ANK3: variants seen among roughly 807,000 people sequenced by gnomAD.
The protein encoded by ANK3 is ankyrin 3.
A neutral mutation model predicts 370.9 loss-of-function variants in ANK3; 57 were observed. That is an observed-to-expected ratio of 0.15 (90% CI 0.12 to 0.19). The LOEUF (loss-of-function observed/expected upper bound fraction) is 0.19. Ranked by LOEUF, ANK3 falls within the 10% of genes least tolerant of loss-of-function variation. The probability of loss-of-function intolerance (pLI) is 1.00; values close to 1 mark genes in which losing one functional copy is unlikely to be tolerated. For synonymous variants in ANK3, 1,929 were observed against 1,946.3 expected, an observed-to-expected ratio of 0.99 and a Z score of 0.23; for missense variants, 4,439 against 5,302.1, an observed-to-expected ratio of 0.84 and a Z score of 5.06.
At position 60,029,282 on chromosome 10, in the gene ANK3, TTG is replaced by T. The variant is rs1345475156; in HGVS notation, c.*562_*563del. On this transcript the variant is annotated 3_prime_UTR_variant, in exon 44 of 44. Coordinates refer to ENST00000280772, the MANE Select transcript of ANK3 (RefSeq NM_020987.5). The stretch of plus-strand genomic sequence containing the variant: ...GTTAAATGCATTTGCAATATTCTGT[TTG>T]TGTTCTAAGAGGCAGTGCCTTATCA... 2 of 152,584 alleles carry T rather than the reference TTG, an allele frequency of 1.3e-5. No individual in the cohort carries two copies. Among genetic ancestry groups the T allele is most frequent in the Admixed American group, 1.3e-4 (2 of 15,282 alleles). The allele number at this position is 152,584 out of a possible 1,614,324, so 9.5% of individuals were successfully genotyped here.
At chr10:60,630,966 G>C (rs10994439) in intron 1 of ANK3, among the ~76,000 whole-genome samples, 24,808 of 152,068 alleles carry the variant, frequency 0.16, 2,291 homozygotes, top group South Asian at 0.27. Context: ...ACATAAATAA[G>C]ATCTACCCTG....
At chr10:60,326,895 C>A (rs535856135) in intron 1 of ANK3, among the ~76,000 whole-genome samples, 127 of 152,060 alleles carry the variant, frequency 8.4e-4, no homozygotes, top group African/African-American at 3.0e-3. Context: ...GTGCGGGCGC[C>A]TTTAGTCCCA....
At chr10:60,208,323 C>T (rs1347227427) in intron 9 of ANK3, 90 bp from the exon 10 acceptor site, 1 of 1,142,078 alleles carries the variant, frequency 8.8e-7, no homozygotes, top group East Asian at 2.5e-5. Context: ...CAGATAAAAA[C>T]TCCAGTTCTT....
At chr10:60,229,983 C>T (rs1479389637) in intron 8 of ANK3, among the ~76,000 whole-genome samples, 1 of 152,098 alleles carries the variant, frequency 6.6e-6, no homozygotes, top group Non-Finnish European at 1.5e-5. Flanking sequence ...TTGGGAGGGG[C>T]ACAGTTAGAG....
chr10:60,340,659 T>G (rs1903206), intron 1 of ANK3, among the ~76,000 whole-genome samples: 105,601 of 151,602 alleles, frequency 0.7, 38,041 homozygotes, highest in South Asian at 0.91. Context: ...CAATCCTCCC[T>G]CCTCAGCCTC....
At chr10:60,173,325 A>C in intron 18 of ANK3, 139 bp from the exon 19 acceptor site, 1 of 633,084 alleles carries the variant, frequency 1.6e-6, no homozygotes, top group African/African-American at 1.8e-5. Flanking sequence ...TATATTAAAA[A>C]AATTGCCCTT....
intron 1 of ANK3, among the ~76,000 whole-genome samples, chr10:60,706,194 A>G (rs531236230): frequency 6.6e-6 from 1 of 152,314 alleles, no homozygotes; most frequent in African/African-American, 2.4e-5. Context: ...CATCTTGCAC[A>G]AGCACCACCA....
intron 2 of ANK3, among the ~76,000 whole-genome samples, chr10:60,590,132 A>C (rs1409742607): frequency 6.6e-6 from 1 of 152,222 alleles, no homozygotes; most frequent in Non-Finnish European, 1.5e-5. Context: ...TTACTGAAGA[A>C]TTCATGGCCA....
intron 1 of ANK3, among the ~76,000 whole-genome samples, chr10:60,335,757 T>C (rs2052675961): frequency 6.6e-6 from 1 of 152,118 alleles, no homozygotes; most frequent in Admixed American, 6.6e-5. Flanking sequence ...GAGGTAATAG[T>C]ATAATTGATT....
chr10:60,462,558 T>C (rs899641716), intron 2 of ANK3, among the ~76,000 whole-genome samples: 3 of 151,556 alleles, frequency 2.0e-5, no homozygotes, highest in African/African-American at 7.3e-5. Context: ...TTTCTCTAAA[T>C]GTGATCAGAT....
chr10:60,685,756 A>G (rs183786686), intron 1 of ANK3, among the ~76,000 whole-genome samples: 19 of 152,326 alleles, frequency 1.2e-4, no homozygotes, highest in African/African-American at 4.3e-4. Context: ...ATTCATTTCC[A>G]TAAGATGATA....
intron 1 of ANK3, among the ~76,000 whole-genome samples, chr10:60,308,511 G>A (rs1012883715): frequency 9.2e-5 from 14 of 151,930 alleles, no homozygotes; most frequent in Admixed American, 2.6e-4. Flanking sequence ...CCTGATGTCA[G>A]GTGATCTGCC....
Position 60,073,967 on chromosome 10 carries a change from T to A in ANK3, c.6914A>T (p.His2305Leu), listed in dbSNP as rs1465764831. Reference sequence around the variant, plus strand: ...GGCTGAGGTTTCAGCAGCAGACTTGTGAACATCTGGAGACACTGCCGACTT... The same window carrying A: ...GGCTGAGGTTTCAGCAGCAGACTTGAGAACATCTGGAGACACTGCCGACTT... ...EHKSAVSPDV[H>L]KSAAETSAQH... is the part of the protein sequence containing the mutation. Residue 2305 changes from histidine to leucine, a missense_variant, in exon 37 of 44, where the codon CAC becomes CTC. His to Leu is a moderately conservative substitution (Grantham distance 99, BLOSUM62 -3). This residue lies in a region of ANK3 where 1,601 missense variants were observed against 1,731.7 expected (regional missense o/e 0.92). Coordinates refer to ENST00000280772, the MANE Select transcript of ANK3 (RefSeq NM_020987.5). The A allele has an allele frequency of 9.3e-6, 15 of 1,613,960 alleles. No homozygotes were observed. The highest frequency in any genetic ancestry group is 2.2e-5 in the East Asian group (1 of 44,880).
At chr10:60,191,900 C>T (rs955889915) in intron 16 of ANK3, among the ~76,000 whole-genome samples, 1 of 151,934 alleles carries the variant, frequency 6.6e-6, no homozygotes, top group Admixed American at 6.6e-5. Context: ...GGGATATATA[C>T]ATTTTATTCT....
chr10:60,324,299 A>G (rs1003628256), intron 1 of ANK3, among the ~76,000 whole-genome samples: 1 of 152,242 alleles, frequency 6.6e-6, no homozygotes, highest in Non-Finnish European at 1.5e-5. Flanking sequence ...TATGTGTGGC[A>G]GCAGGGACTT....
chr10:60,152,602 C>T lies in ANK3; in HGVS notation c.2615-13515G>A, dbSNP rs191680487. On this transcript the variant is annotated intron_variant, in intron 23 of 43. Coordinates refer to ENST00000280772, the MANE Select transcript of ANK3 (RefSeq NM_020987.5). ...ACTCTAAATGCAATATAAAGCCTTG[C>T]GTGGGTTTTAGTTTTGTATTTGTAC... Among the ~76,000 whole-genome samples, 662 of 152,072 alleles carry T rather than the reference C, an allele frequency of 4.4e-3. 3 individuals carry two copies. Among genetic ancestry groups the T allele is most frequent in the African/African-American group, 0.015 (630 of 41,466 alleles).
At chr10:60,655,765 G>C (rs186324216) in intron 1 of ANK3, among the ~76,000 whole-genome samples, 121 of 152,274 alleles carry the variant, frequency 7.9e-4, no homozygotes, top group African/African-American at 2.6e-3. Flanking sequence ...GACTCACCCA[G>C]TGCAAGGACT....
At chr10:60,301,919 C>A (rs139328231) in intron 1 of ANK3, among the ~76,000 whole-genome samples, 2 of 152,172 alleles carry the variant, frequency 1.3e-5, no homozygotes, top group Non-Finnish European at 2.9e-5. Context: ...CAATAGTTCT[C>A]TTAAACCTTT....
intron 23 of ANK3, chr10:60,140,659 G>A: frequency 1.5e-6 from 2 of 1,334,472 alleles, no homozygotes; most frequent in Non-Finnish European, 9.6e-7. Context: ...CCACTTCGCA[G>A]ACATCCTTTT....
Sources: allele counts gnomAD v4.1 joint callset (sites outside exome capture counted in the v4.1 genomes callset), GRCh38; gene constraint gnomAD v4.1.1; regional missense constraint gnomAD v4.1.1; transcripts MANE v1.5; gene names NCBI Gene and HGNC (gene_info 2026-07-23, HGNC 2026-07-21).